OSBPL3: variants seen among roughly 807,000 people sequenced by gnomAD.
OSBPL3 encodes oxysterol binding protein like 3, also known as oxysterol-binding protein-related protein 3.
Under a neutral mutation model 120.1 loss-of-function variants are expected in OSBPL3, and 65 were observed. That is an observed-to-expected ratio of 0.54 (90% CI 0.44 to 0.67). The LOEUF is 0.67. Ranked by LOEUF, OSBPL3 falls within the 30% of genes least tolerant of loss-of-function variation. OSBPL3 has a pLI of 0.00. For synonymous variants in OSBPL3, 416 were observed against 402.6 expected, an observed-to-expected ratio of 1.03 and a Z score of -0.40; for missense variants, 1,004 against 1,082.1, an observed-to-expected ratio of 0.93 and a Z score of 1.01.
rs1584526451 is a variant in OSBPL3, at chr7:24,892,636, T to A, written c.-149-15A>T. 1 of 1,347,810 alleles carries A rather than the reference T, an allele frequency of 7.4e-7. No homozygotes were observed. The highest frequency in any genetic ancestry group is 2.6e-5 in the East Asian group (1 of 38,660). The allele number at this position is 1,347,810 out of a possible 1,614,324, so 83.5% of individuals were successfully genotyped here. ...AACCCTAAAACCTAAAAAAGAGAAA[T>A]TAGAAAGAAGGTCAGAGGCATCAGA... is the stretch of plus-strand genomic sequence containing the variant. On this transcript the variant is annotated splice_polypyrimidine_tract_variant and intron_variant, in intron 1 of 22. Transcript: ENST00000313367.
At chr7:24,910,435 G>A (rs1808654739) in intron 1 of OSBPL3, among the ~76,000 whole-genome samples, 1 of 152,128 alleles carries the variant, frequency 6.6e-6, no homozygotes, top group Admixed American at 6.5e-5. Flanking sequence ...ACCTTACAAG[G>A]AAGAAATACT....
chr7:24,935,761 C>T (rs1009649230), intron 1 of OSBPL3, among the ~76,000 whole-genome samples: 3 of 151,784 alleles, frequency 2.0e-5, no homozygotes, highest in Non-Finnish European at 4.4e-5. Context: ...ATTTAATTTT[C>T]TTCTACAAAT....
chr7:24,848,602 A>G (rs1238490143), intron 12 of OSBPL3, among the ~76,000 whole-genome samples: 3 of 152,278 alleles, frequency 2.0e-5, no homozygotes, highest in African/African-American at 7.2e-5. Flanking sequence ...CAGAGTGTAC[A>G]GCCGCATTCT....
chr7:24,927,507 T>C (rs890845331), intron 1 of OSBPL3, among the ~76,000 whole-genome samples: 22 of 152,232 alleles, frequency 1.4e-4, no homozygotes, highest in African/African-American at 5.1e-4. Context: ...TTTTGGTGAC[T>C]AAAGAAGAAT....
rs1791950701 is a variant in OSBPL3 at position 24,798,477 on chromosome 7, G to C, written c.*1706C>G. The C allele has an allele frequency of 6.6e-6, 1 of 152,162 alleles. No homozygotes were observed. Among genetic ancestry groups the C allele is most frequent in the South Asian group, 2.1e-4 (1 of 4,826 alleles). The allele number at this position is 152,162 out of a possible 1,614,324, so 9.4% of individuals were successfully genotyped here. On this transcript the variant is annotated 3_prime_UTR_variant, in exon 23 of 23. Coordinates refer to ENST00000313367, the MANE Select transcript of OSBPL3 (RefSeq NM_015550.4). This position sits in a 1 kb window ranked among gnomAD's most constrained non-coding sequence, Gnocchi z 4.6. ...AAAGCATACACCAAAGAATCTGACT[G>C]TGTCATTCAACTGCTTAGAAATGGA...
chr7:24,831,805 G>A lies in OSBPL3; in HGVS notation c.1747-900C>T, dbSNP rs924923051. On this transcript the variant is annotated intron_variant, in intron 15 of 22. Transcript: ENST00000313367. The surrounding 1 kb of genome is among the most constrained non-coding windows in gnomAD (Gnocchi z 4.0). Reference sequence around the variant, plus strand: ...GAGTGCCTTTCATAAATGCCCACTAGTCACATAACCTTCTGCTAAATTTTT... The same window carrying A: ...GAGTGCCTTTCATAAATGCCCACTAATCACATAACCTTCTGCTAAATTTTT... Among the ~76,000 whole-genome samples the A allele has an allele frequency of 5.9e-5, 9 of 152,168 alleles. No individual in the cohort carries two copies. Among genetic ancestry groups the A allele is most frequent in the Non-Finnish European group, 1.0e-4 (7 of 68,046 alleles).
intron 22 of OSBPL3, among the ~76,000 whole-genome samples, 174 bp from the exon 23 acceptor site, chr7:24,800,453 CTTTTTTT>C (rs766653677): frequency 8.4e-6 from 1 of 119,526 alleles, no homozygotes; most frequent in Non-Finnish European, 1.7e-5. Context: ...AATTTTGTTA[CTTTTTTT>C]TTTTTTTTTT....
rs1373986655 is a variant in OSBPL3 at position 24,873,390 on chromosome 7, A to G, written c.97-1321T>C. Among the ~76,000 whole-genome samples the G allele has an allele frequency of 6.6e-6, 1 of 152,196 alleles. No individual in the cohort carries two copies. Among genetic ancestry groups the G allele is most frequent in the Non-Finnish European group, 1.5e-5 (1 of 68,024 alleles). ...CACCTGGTAATGAGAACCCTTTCCT[A>G]CGTTAGCAACTGAATTCTTTACATA... On this transcript the variant is annotated intron_variant, in intron 2 of 22. Coordinates refer to ENST00000313367, the MANE Select transcript of OSBPL3 (RefSeq NM_015550.4). The surrounding 1 kb of genome is among the most constrained non-coding windows in gnomAD (Gnocchi z 4.1).
In OSBPL3 at chr7:24,924,946, C is replaced by CT. The variant is rs542180043; in HGVS notation, c.-149-32326dup. On this transcript the variant is annotated intron_variant, in intron 1 of 22. Coordinates refer to ENST00000313367, the MANE Select transcript of OSBPL3 (RefSeq NM_015550.4). ...ATATAGCTGTTACCCTTTTTCATTT[C>CT]TTTTTTGTGTGTTTATACACTAAGA... Among the ~76,000 whole-genome samples, 14 of 152,122 alleles carry CT rather than the reference C, an allele frequency of 9.2e-5. No individual in the cohort carries two copies. In the East Asian group the frequency reaches 1.5e-3, roughly 17 times the overall value.
chr7:24,918,669 C>A lies in OSBPL3; in HGVS notation c.-149-26048G>T, dbSNP rs779036472. Among the ~76,000 whole-genome samples the A allele has an allele frequency of 1.1e-4, 16 of 152,186 alleles. No homozygotes were observed. The highest frequency in any genetic ancestry group is 1.9e-4 in the Non-Finnish European group (13 of 68,040). On this transcript the variant is annotated intron_variant, in intron 1 of 22. Coordinates refer to ENST00000313367, the MANE Select transcript of OSBPL3 (RefSeq NM_015550.4). This position sits in a 1 kb window ranked among gnomAD's most constrained non-coding sequence, Gnocchi z 4.3. ...TGTTCACTAATCACTTACCATTGGT[C>A]AGGCACAGTTTTAGACACTGGAGAT... is the stretch of plus-strand genomic sequence containing the variant.
In OSBPL3 at chr7:24,959,542, CG is replaced by C. The variant is rs1410860317; in HGVS notation, c.-150+20343del. Among the ~76,000 whole-genome samples the C allele has an allele frequency of 2.0e-5, 3 of 152,220 alleles. No homozygotes were observed. Among genetic ancestry groups the C allele is most frequent in the African/African-American group, 7.2e-5 (3 of 41,534 alleles). On this transcript the variant is annotated intron_variant, in intron 1 of 22. Coordinates refer to ENST00000313367, the MANE Select transcript of OSBPL3 (RefSeq NM_015550.4). The surrounding 1 kb of genome is among the most constrained non-coding windows in gnomAD (Gnocchi z 4.3). ...AAATCAGGATGGAAATTACCCATTG[CG>C]GGTAGGGATAGCGACTTCGGAAGAG...
At chr7:24,893,801 G>A (rs1008837925) in intron 1 of OSBPL3, among the ~76,000 whole-genome samples, 1 of 152,082 alleles carries the variant, frequency 6.6e-6, no homozygotes, top group African/African-American at 2.4e-5. Flanking sequence ...TGCCCTGATG[G>A]AGGGGTTTCT....
chr7:24,865,522 TGTTA>T, intron 6 of OSBPL3, 57 bp from the exon 7 acceptor site: 2 of 1,575,628 alleles, frequency 1.3e-6, no homozygotes, highest in South Asian at 2.3e-5. Context: ...ATTGGGGACA[TGTTA>T]AGACAAAGGA....
At chr7:24,895,674 G>A (rs1163531267) in intron 1 of OSBPL3, among the ~76,000 whole-genome samples, 1 of 152,144 alleles carries the variant, frequency 6.6e-6, no homozygotes, top group Non-Finnish European at 1.5e-5. Context: ...CCAGAGAGGA[G>A]GCCTCGGCAG....
intron 14 of OSBPL3, among the ~76,000 whole-genome samples, 192 bp downstream of exon 14, chr7:24,840,498 A>C (rs1380747455): frequency 6.6e-6 from 1 of 152,196 alleles, no homozygotes; most frequent in East Asian, 1.9e-4. Context: ...TCAAATACAC[A>C]TAACACACAA....
chr7:24,848,928 T>C, intron 12 of OSBPL3, 141 bp downstream of exon 12: 1 of 612,790 alleles, frequency 1.6e-6, no homozygotes, highest in Non-Finnish European at 3.0e-6. Flanking sequence ...ATGACCTAGC[T>C]GTGGCCAGCA....
At chr7:24,973,284 A>G (rs1817228427) in intron 1 of OSBPL3, among the ~76,000 whole-genome samples, 1 of 152,238 alleles carries the variant, frequency 6.6e-6, no homozygotes, top group Non-Finnish European at 1.5e-5. Flanking sequence ...ACAGACATAT[A>G]GACAGCAACA....
chr7:24,919,522 C>G (rs535303088), intron 1 of OSBPL3, among the ~76,000 whole-genome samples: 117 of 152,044 alleles, frequency 7.7e-4, no homozygotes, highest in African/African-American at 2.7e-3. Context: ...CAAAATGGAC[C>G]AAAGGCATAA....
At chr7:24,801,237 CCTT>C (rs1223731704) in intron 22 of OSBPL3, among the ~76,000 whole-genome samples, 1 of 113,010 alleles carries the variant, frequency 8.8e-6, no homozygotes, top group East Asian at 2.6e-4. Context: ...GAGCAAGACT[CCTT>C]CTCAAAAAAA....
Sources: allele counts gnomAD v4.1 joint callset (sites outside exome capture counted in the v4.1 genomes callset), GRCh38; gene constraint gnomAD v4.1.1; non-coding constraint Gnocchi (gnomAD v3.1); transcripts MANE v1.5; gene names NCBI Gene and HGNC (gene_info 2026-07-23, HGNC 2026-07-21).